The following SPIDR variants were observed in gnomAD, a reference collection of about 807,000 sequenced individuals.
SPIDR encodes DNA repair-scaffolding protein.
SPIDR carries 93 observed loss-of-function variants against 104.6 expected under a neutral mutation model. That is an observed-to-expected ratio of 0.89 (90% CI 0.75 to 1.06). The LOEUF (loss-of-function observed/expected upper bound fraction) is 1.06. Among genes scored for constraint, SPIDR ranks in the 50% least tolerant of loss-of-function variants. The pLI, the probability that SPIDR is intolerant of heterozygous loss-of-function variation, is 0.00. For missense variants in SPIDR, 1,154 were observed against 1,111.2 expected, an observed-to-expected ratio of 1.04 and a Z score of -0.55; for synonymous variants, 431 against 416.9, an observed-to-expected ratio of 1.03 and a Z score of -0.41.
chr8:47,537,642 C>T (rs770340259), intron 8 of SPIDR, among the ~76,000 whole-genome samples: 3 of 152,164 alleles, frequency 2.0e-5, no homozygotes, highest in Non-Finnish European at 2.9e-5. Flanking sequence ...TGTCATTATG[C>T]ATTTGCCAAA....
At chr8:47,731,327 G>A (rs941335758) in intron 19 of SPIDR, among the ~76,000 whole-genome samples, 2 of 152,040 alleles carry the variant, frequency 1.3e-5, no homozygotes, top group Admixed American at 1.3e-4. Context: ...CAGTGACCCC[G>A]AGCTCCAGCT....
chr8:47,466,104 A>G (rs1296011425), intron 8 of SPIDR, among the ~76,000 whole-genome samples: 2 of 152,158 alleles, frequency 1.3e-5, no homozygotes, highest in African/African-American at 4.8e-5. Context: ...TGACAATATT[A>G]AACAGATCAT....
chr8:47,511,240 A>G, intron 8 of SPIDR: 1 of 1,590,654 alleles, frequency 6.3e-7, no homozygotes, highest in Non-Finnish European at 8.6e-7. Context: ...ACCGTCTGCA[A>G]GCCGAATTTG....
chr8:47,641,151 C>T (rs1239287361), intron 10 of SPIDR, among the ~76,000 whole-genome samples: 1 of 151,718 alleles, frequency 6.6e-6, no homozygotes, highest in East Asian at 2.0e-4. Flanking sequence ...TTAAATAAGA[C>T]TAGGTAATTT....
intron 5 of SPIDR, among the ~76,000 whole-genome samples, chr8:47,390,323 A>G (rs1490895894): frequency 6.6e-6 from 1 of 152,146 alleles, no homozygotes; most frequent in Admixed American, 6.5e-5. Flanking sequence ...CACACATGTT[A>G]CAGTTTTGTT....
intron 19 of SPIDR, among the ~76,000 whole-genome samples, chr8:47,730,104 A>G (rs1231664239): frequency 6.6e-6 from 1 of 152,054 alleles, no homozygotes; most frequent in Admixed American, 6.6e-5. Flanking sequence ...GGAATTCCCC[A>G]AGATGCTTTT....
chr8:47,686,176 A>G (rs16930163), intron 11 of SPIDR, among the ~76,000 whole-genome samples: 35,193 of 152,116 alleles, frequency 0.23, 4,890 homozygotes, highest in Middle Eastern at 0.45. Context: ...TCTGTTGTGG[A>G]TTAATTGCCC....
In SPIDR at chr8:47,488,817, ACT is replaced by A. The variant is rs537340965; in HGVS notation, c.1097+48279_1097+48280del. On this transcript the variant is annotated intron_variant, in intron 8 of 19. Transcript: ENST00000297423. ...AATTCAACAGCCCTTCATGCTAAAA[ACT>A]CTCAATAAATTAGGTATTGATGGGA... 2.8e-3 allele frequency among the ~76,000 whole-genome samples: 420 copies of A among 152,210 alleles called. 1 individual carries two copies. Among genetic ancestry groups the A allele is most frequent in the African/African-American group, 9.9e-3 (410 of 41,516 alleles).
intron 8 of SPIDR, among the ~76,000 whole-genome samples, chr8:47,553,265 TC>T (rs2090844252): frequency 6.6e-6 from 1 of 152,188 alleles, no homozygotes; most frequent in Non-Finnish European, 1.5e-5. Context: ...TCGAGGAGTG[TC>T]TTTGTGGCAT....
chr8:47,282,761 G>T (rs1483521789), intron 2 of SPIDR, among the ~76,000 whole-genome samples: 1 of 152,186 alleles, frequency 6.6e-6, no homozygotes, highest in East Asian at 1.9e-4. Flanking sequence ...TTCACAACTG[G>T]CTTAACGGTT....
chr8:47,589,318 A>G (rs1393769652), intron 8 of SPIDR, among the ~76,000 whole-genome samples: 1 of 151,932 alleles, frequency 6.6e-6, no homozygotes. Context: ...TAGGGGTTTG[A>G]GACCAGCCTG....
chr8:47,284,067 C>G lies in SPIDR; in HGVS notation c.229C>G (p.Leu77Val). ...AEEKTITEKH[L>V]ELCPRPKQET... Reference sequence around the variant, plus strand: ...AGAGAAGACGATTACAGAAAAGCACCTTGAATTATGCCCTAGACCCAAGCA... The same window carrying G: ...AGAGAAGACGATTACAGAAAAGCACGTTGAATTATGCCCTAGACCCAAGCA... The change falls in exon 3 of 20, where the codon CTT becomes GTT. Residue 77 changes from leucine to valine, a missense_variant. Leu to Val is a conservative substitution (Grantham distance 32). Coordinates refer to ENST00000297423, the MANE Select transcript of SPIDR (RefSeq NM_001080394.4). 1 of 1,612,382 alleles carries G rather than the reference C, an allele frequency of 6.2e-7. No individual in the cohort carries two copies. Among genetic ancestry groups the G allele is most frequent in the Non-Finnish European group, 8.5e-7 (1 of 1,179,360 alleles).
chr8:47,579,797 A>G (rs1363079902), intron 8 of SPIDR, among the ~76,000 whole-genome samples: 1 of 151,964 alleles, frequency 6.6e-6, no homozygotes, highest in African/African-American at 2.4e-5. Flanking sequence ...CTGCCCCGTC[A>G]GTTTGTGTCC....
chr8:47,646,025 A>G lies in SPIDR; in HGVS notation c.1545-27776A>G, dbSNP rs542147568. ...TGACAAAATTAAAAGTTAAATGGCA[A>G]ATTGAGAATATATATGTATGATTTG... On this transcript the variant is annotated intron_variant, in intron 10 of 19. Coordinates refer to ENST00000297423, the MANE Select transcript of SPIDR (RefSeq NM_001080394.4). 2.6e-5 allele frequency among the ~76,000 whole-genome samples: 4 copies of G among 152,266 alleles called. 1 individual carries two copies. In the South Asian group the frequency reaches 8.3e-4, roughly 32 times the overall value.
intron 11 of SPIDR, among the ~76,000 whole-genome samples, chr8:47,691,912 C>A (rs1055511800): frequency 1.3e-5 from 2 of 152,222 alleles, no homozygotes; most frequent in Non-Finnish European, 2.9e-5. Flanking sequence ...TGCTCCTGGG[C>A]TCTGTGTCAG....
chr8:47,443,805 T>C (rs2069977435), intron 8 of SPIDR, among the ~76,000 whole-genome samples: 1 of 151,938 alleles, frequency 6.6e-6, no homozygotes, highest in African/African-American at 2.4e-5. Flanking sequence ...TAGATACTCC[T>C]GTTGGTCCTG....
chr8:47,498,435 T>C (rs1564146038), intron 8 of SPIDR, among the ~76,000 whole-genome samples: 1 of 152,194 alleles, frequency 6.6e-6, no homozygotes. Context: ...CAGAACATTA[T>C]TGAAAAATAG....
At chr8:47,384,952 C>T (rs1443613199) in intron 5 of SPIDR, among the ~76,000 whole-genome samples, 1 of 152,182 alleles carries the variant, frequency 6.6e-6, no homozygotes, top group Admixed American at 6.5e-5. Context: ...TCTTGCCAGT[C>T]TCTCTCTTTT....
At chr8:47,326,230 G>A (rs1225769199) in intron 5 of SPIDR, among the ~76,000 whole-genome samples, 1 of 152,050 alleles carries the variant, frequency 6.6e-6, no homozygotes, top group African/African-American at 2.4e-5. Flanking sequence ...GCCCAGACTG[G>A]TCTGAAATTC....
Sources: gnomAD v4.1 joint callset for allele counts (sites outside exome capture counted in the v4.1 genomes callset) on GRCh38, gnomAD v4.1.1 for gene constraint, MANE v1.5 for transcripts, NCBI Gene and HGNC (gene_info 2026-07-23, HGNC 2026-07-21) for gene names.